Variants in RABGAP1L observed in about 807,000 individuals in gnomAD.
RABGAP1L encodes RAB GTPase activating protein 1 like, also known as rab GTPase-activating protein 1-like.
Under a neutral mutation model 137.7 loss-of-function variants are expected in RABGAP1L, and 63 were observed. The ratio of observed to expected loss-of-function variants is 0.46; its 90% CI spans 0.37 to 0.56. The LOEUF is 0.56. Among genes scored for constraint, RABGAP1L ranks in the 20% least tolerant of loss-of-function variants. The pLI is 0.00. For missense variants in RABGAP1L, 1,095 were observed against 1,244.0 expected, an observed-to-expected ratio of 0.88 and a Z score of 1.80; for synonymous variants, 431 against 433.7, an observed-to-expected ratio of 0.99 and a Z score of 0.08.
At chr1:174,255,769 G>T (rs111819569) in intron 7 of RABGAP1L, among the ~76,000 whole-genome samples, 5 of 152,238 alleles carry the variant, frequency 3.3e-5, no homozygotes, top group African/African-American at 1.2e-4. Flanking sequence ...CAAATGATCT[G>T]CCTGCCTCAG....
At chr1:174,959,735 A>G (rs904050567) in intron 20 of RABGAP1L, among the ~76,000 whole-genome samples, 8 of 152,094 alleles carry the variant, frequency 5.3e-5, no homozygotes, top group Admixed American at 5.2e-4. Context: ...ATGTCTAGGC[A>G]TTTGTCCTGG....
chr1:174,275,731 A>T, intron 8 of RABGAP1L, 102 bp from the exon 9 acceptor site: 1 of 770,616 alleles, frequency 1.3e-6, no homozygotes. Flanking sequence ...CTTGACTGTT[A>T]ATCTAAATTT....
chr1:174,307,352 G>T (rs1261528853), intron 11 of RABGAP1L, among the ~76,000 whole-genome samples: 1 of 152,144 alleles, frequency 6.6e-6, no homozygotes. Context: ...CAACTCAGTG[G>T]CATTTTAGTA....
intron 15 of RABGAP1L, among the ~76,000 whole-genome samples, chr1:174,695,167 C>T (rs190332725): frequency 6.6e-6 from 1 of 152,170 alleles, no homozygotes; most frequent in East Asian, 1.9e-4. Flanking sequence ...CACTTTTCAA[C>T]TCCAGTCCAT....
At chr1:174,413,804 C>T (rs1650221412) in intron 13 of RABGAP1L, among the ~76,000 whole-genome samples, 1 of 152,070 alleles carries the variant, frequency 6.6e-6, no homozygotes, top group Admixed American at 6.6e-5. Context: ...CAGTAGATGA[C>T]GCTAGGCAGC....
At chr1:174,878,808 T>C (rs1390754896) in intron 19 of RABGAP1L, among the ~76,000 whole-genome samples, 2 of 151,854 alleles carry the variant, frequency 1.3e-5, no homozygotes, top group Non-Finnish European at 2.9e-5. Context: ...GTTGTTTAAA[T>C]GCTAATTTGA....
chr1:174,175,623 CT>C (rs770897839), intron 1 of RABGAP1L, among the ~76,000 whole-genome samples: 6,479 of 122,300 alleles, frequency 0.053, 464 homozygotes, highest in African/African-American at 0.19. Context: ...CGCCCGGCTA[CT>C]TTTTTTTTTT....
chr1:174,383,207 G>A (rs1416479678), intron 12 of RABGAP1L, among the ~76,000 whole-genome samples: 1 of 151,104 alleles, frequency 6.6e-6, no homozygotes, highest in Admixed American at 6.6e-5. Context: ...GTCAGACAGG[G>A]ACATTTAAGT....
At chr1:174,914,687 T>C (rs1177378556) in intron 19 of RABGAP1L, among the ~76,000 whole-genome samples, 1 of 152,104 alleles carries the variant, frequency 6.6e-6, no homozygotes, top group Admixed American at 6.6e-5. Context: ...TATAAAGGTA[T>C]AAGTTATATA....
At chr1:174,239,907 A>C (rs1308740069) in intron 4 of RABGAP1L, among the ~76,000 whole-genome samples, 4 of 152,246 alleles carry the variant, frequency 2.6e-5, no homozygotes, top group South Asian at 2.1e-4. Flanking sequence ...CTAAATTCCA[A>C]GTACCAAAAT....
chr1:174,218,374 G>T (rs1291806303), intron 1 of RABGAP1L, among the ~76,000 whole-genome samples: 1 of 152,118 alleles, frequency 6.6e-6, no homozygotes, highest in African/African-American at 2.4e-5. Context: ...AGTTGTGTCT[G>T]TTATATAGTG....
intron 13 of RABGAP1L, among the ~76,000 whole-genome samples, chr1:174,440,297 G>A (rs1291616263): frequency 5.3e-5 from 8 of 152,168 alleles, no homozygotes; most frequent in African/African-American, 1.9e-4. Context: ...GAAGCAACGC[G>A]ATCTGGTTTG....
At chr1:174,438,799 T>G (rs1653783725) in intron 13 of RABGAP1L, among the ~76,000 whole-genome samples, 1 of 142,882 alleles carries the variant, frequency 7.0e-6, no homozygotes, top group Non-Finnish European at 1.5e-5. Flanking sequence ...TTTTCTCAAA[T>G]GACATTTTAT....
At chr1:174,669,191 G>A (rs1677005527) in intron 14 of RABGAP1L, among the ~76,000 whole-genome samples, 1 of 152,116 alleles carries the variant, frequency 6.6e-6, no homozygotes, top group South Asian at 2.1e-4. Flanking sequence ...CGGCAAGAAG[G>A]AGAATGAATG....
chr1:174,611,965 T>C (rs868828158), intron 13 of RABGAP1L, among the ~76,000 whole-genome samples: 7 of 152,154 alleles, frequency 4.6e-5, no homozygotes, highest in African/African-American at 7.2e-5. Context: ...GGCTGAGACA[T>C]TGGGGTTTCT....
At chr1:174,947,518 A>G (rs942445294) in intron 19 of RABGAP1L, among the ~76,000 whole-genome samples, 2 of 151,920 alleles carry the variant, frequency 1.3e-5, no homozygotes, top group Non-Finnish European at 2.9e-5. Flanking sequence ...CCTGGGTTCA[A>G]GCGATTCTCC....
At chr1:174,823,388 G>T (rs1213309841) in intron 19 of RABGAP1L, among the ~76,000 whole-genome samples, 1 of 152,082 alleles carries the variant, frequency 6.6e-6, no homozygotes, top group Admixed American at 6.5e-5. Context: ...ACCATTTACC[G>T]TGATTCTACA....
intron 20 of RABGAP1L, among the ~76,000 whole-genome samples, chr1:174,963,641 T>C (rs1029719162): frequency 9.2e-5 from 14 of 151,816 alleles, no homozygotes; most frequent in Admixed American, 6.6e-5. Context: ...TTGATTTGTG[T>C]ACTAGAGTAG....
At chr1:174,622,871 T>A (rs980888448) in intron 13 of RABGAP1L, among the ~76,000 whole-genome samples, 4 of 152,090 alleles carry the variant, frequency 2.6e-5, no homozygotes, top group African/African-American at 9.7e-5. Context: ...AATACCGAAA[T>A]TTTTGTAGGT....
Sources: allele counts gnomAD v4.1 joint callset (sites outside exome capture counted in the v4.1 genomes callset), GRCh38; gene constraint gnomAD v4.1.1; transcripts MANE v1.5; gene names NCBI Gene and HGNC (gene_info 2026-07-23, HGNC 2026-07-21).